The following GALNT5 variants were observed in gnomAD, a reference collection of about 807,000 sequenced individuals.
GALNT5 encodes UDP-GalNAc:polypeptide N-acetylgalactosaminyltransferase 5.
GALNT5 carries 72 observed loss-of-function variants against 85.4 expected under a neutral mutation model. The ratio of observed to expected loss-of-function variants is 0.84; its 90% CI spans 0.70 to 1.03. GALNT5 has a LOEUF of 1.03. GALNT5 is among the 50% of genes least tolerant of loss of function. The probability of loss-of-function intolerance (pLI) is 0.00; values close to 1 mark genes in which losing one functional copy is unlikely to be tolerated. For missense variants in GALNT5, 1,137 were observed against 1,135.5 expected (o/e 1.00, Z -0.02); for synonymous variants, 404 against 397.0 (o/e 1.02, Z -0.21).
chr2:157,304,943 T>G (rs1683422016), intron 7 of GALNT5, among the ~76,000 whole-genome samples: 1 of 152,146 alleles, frequency 6.6e-6, no homozygotes, highest in Non-Finnish European at 1.5e-5. Context: ...AACAAAGACT[T>G]CAGCTCCTCC....
In GALNT5 at chr2:157,316,776, C is replaced by T. The variant is rs1203439396; in HGVS notation, c.*5428C>T. On this transcript the variant is annotated 3_prime_UTR_variant, in exon 10 of 10. Coordinates refer to ENST00000259056, the MANE Select transcript of GALNT5 (RefSeq NM_014568.3). ...AAAGAAAGAAAAAAATAACATCACA[C>T]TAAACAGATTTAATGCCTCTGTTTT... Among the ~76,000 whole-genome samples the T allele has an allele frequency of 6.6e-6, 1 of 152,078 alleles. No individual in the cohort carries two copies. The highest frequency in any genetic ancestry group is 6.6e-5 in the Admixed American group (1 of 15,240).
rs1368515395 is a variant in GALNT5, at chr2:157,313,804, T to C, written c.*2456T>C. ...TTCTGACTTTACCCTGACAAACTTATTATATAAAGCTATATTTAAATCTAT... is the reference window on the plus strand; with the variant it reads ...TTCTGACTTTACCCTGACAAACTTACTATATAAAGCTATATTTAAATCTAT... On this transcript the variant is annotated 3_prime_UTR_variant, in exon 10 of 10. Coordinates refer to ENST00000259056, the MANE Select transcript of GALNT5 (RefSeq NM_014568.3). 6.6e-6 allele frequency: 1 copy of C among 152,178 alleles called. No homozygotes were observed. The highest frequency in any genetic ancestry group is 2.4e-5 in the African/African-American group (1 of 41,440). The allele number at this position is 152,178 out of a possible 1,614,324, so 9.4% of individuals were successfully genotyped here. A position where few individuals can be genotyped will look rare whatever the true frequency, so the allele number is the denominator to read the frequency against.
At chr2:157,272,096 A>C (rs2105126790) in intron 1 of GALNT5, among the ~76,000 whole-genome samples, 1 of 152,320 alleles carries the variant, frequency 6.6e-6, no homozygotes, top group Admixed American at 6.5e-5. Context: ...AATTGCATCA[A>C]CTGCCATTGT....
chr2:157,258,056 G>T lies in GALNT5; in HGVS notation c.-27G>T. 1 of 1,608,962 alleles carries T rather than the reference G, an allele frequency of 6.2e-7. No individual in the cohort carries two copies. The highest frequency in any genetic ancestry group is 8.5e-7 in the Non-Finnish European group (1 of 1,179,576). Reference sequence around the variant, plus strand: ...CTCAAGGTAAGCAGGCTAAGGGAGGGCAGGCTGCTAGGGAAAGCTTTGTAC... The same window carrying T: ...CTCAAGGTAAGCAGGCTAAGGGAGGTCAGGCTGCTAGGGAAAGCTTTGTAC... On this transcript the variant is annotated 5_prime_UTR_variant, in exon 1 of 10. Transcript: ENST00000259056.
intron 5 of GALNT5, among the ~76,000 whole-genome samples, chr2:157,298,642 A>C (rs1200604262): frequency 1.3e-5 from 2 of 152,046 alleles, no homozygotes; most frequent in Non-Finnish European, 2.9e-5. Flanking sequence ...GCTTTAACGA[A>C]TCCCTGCTTG....
chr2:157,307,301 C>G (rs1462816358), intron 8 of GALNT5, among the ~76,000 whole-genome samples: 1 of 152,112 alleles, frequency 6.6e-6, no homozygotes, highest in East Asian at 1.9e-4. Context: ...AGGCTTAATA[C>G]CAAGCCAGTG....
intron 3 of GALNT5, among the ~76,000 whole-genome samples, chr2:157,294,772 C>T (rs1313423009): frequency 1.6e-5 from 2 of 123,602 alleles, no homozygotes; most frequent in Admixed American, 9.1e-5. Context: ...CTCACACACA[C>T]ATCACATCAC....
chr2:157,278,638 T>C (rs1170538181), intron 1 of GALNT5, among the ~76,000 whole-genome samples: 1 of 152,310 alleles, frequency 6.6e-6, no homozygotes, highest in East Asian at 1.9e-4. Flanking sequence ...ATCACGAAGT[T>C]CTCTTGCCAT....
intron 1 of GALNT5, among the ~76,000 whole-genome samples, chr2:157,274,788 C>T (rs1053209063): frequency 2.6e-5 from 4 of 152,122 alleles, no homozygotes; most frequent in African/African-American, 9.7e-5. Flanking sequence ...GCTGCCTGTT[C>T]ACTCTGATGG....
At position 157,312,248 on chromosome 2, in the gene GALNT5, A is replaced by T. The variant is rs1683591165; in HGVS notation, c.*900A>T. 1 of 152,208 alleles carries T rather than the reference A, an allele frequency of 6.6e-6. No individual in the cohort carries two copies. Among genetic ancestry groups the T allele is most frequent in the Non-Finnish European group, 1.5e-5 (1 of 68,018 alleles). The allele number at this position is 152,208 out of a possible 1,614,324, so 9.4% of individuals were successfully genotyped here. ...GAGTAAAGCAGAAATAGAGCTGCTG[A>T]AAGTTTCTTTTATATAAAAATAATA... On this transcript the variant is annotated 3_prime_UTR_variant, in exon 10 of 10. Transcript: ENST00000259056.
At chr2:157,271,650 A>C (rs1323947839) in intron 1 of GALNT5, among the ~76,000 whole-genome samples, 1 of 152,224 alleles carries the variant, frequency 6.6e-6, no homozygotes, top group Non-Finnish European at 1.5e-5. Flanking sequence ...TTCTGCAGCA[A>C]GGTGGGTGGC....
In GALNT5 at chr2:157,311,356, CTG is replaced by C; in HGVS notation, c.*9_*10del. 1 of 1,577,152 alleles carries C rather than the reference CTG, an allele frequency of 6.3e-7. No individual in the cohort carries two copies. Among genetic ancestry groups the C allele is most frequent in the Non-Finnish European group, 8.7e-7 (1 of 1,155,988 alleles). On this transcript the variant is annotated 3_prime_UTR_variant, in exon 10 of 10. Transcript: ENST00000259056. ...AAATATTATGAAGCCTGAAGTGTAA[CTG>C]ATGTTTTTATATAGTAAACCCATTA... is the stretch of plus-strand genomic sequence containing the variant.
intron 7 of GALNT5, among the ~76,000 whole-genome samples, chr2:157,303,126 GAACA>G (rs1683375273): frequency 6.6e-6 from 1 of 152,052 alleles, no homozygotes; most frequent in Admixed American, 6.6e-5. Context: ...TTTGTAATAA[GAACA>G]AACATTTTCT....
chr2:157,264,174 T>TAC (rs59575957), intron 1 of GALNT5, among the ~76,000 whole-genome samples: 4,597 of 144,626 alleles, frequency 0.032, 90 homozygotes, highest in South Asian at 0.068. Context: ...TCAACACACA[T>TAC]ACACACACAC....
At chr2:157,298,260 C>A (rs1333804962) in intron 5 of GALNT5, among the ~76,000 whole-genome samples, 1 of 152,158 alleles carries the variant, frequency 6.6e-6, no homozygotes, top group Non-Finnish European at 1.5e-5. Context: ...AAGGAAAACA[C>A]CTGGGTCTAG....
chr2:157,315,007 G>A lies in GALNT5; in HGVS notation c.*3659G>A, dbSNP rs899962441. ...GCAGGAGAATTGCTTGTACCCGGGA[G>A]GTGGAGGTTGCAGTGAGCTGAAATT... On this transcript the variant is annotated 3_prime_UTR_variant, in exon 10 of 10. Coordinates refer to ENST00000259056, the MANE Select transcript of GALNT5 (RefSeq NM_014568.3). Among the ~76,000 whole-genome samples, 1 of 152,138 alleles carries A rather than the reference G, an allele frequency of 6.6e-6. No individual in the cohort carries two copies. Among genetic ancestry groups the A allele is most frequent in the Admixed American group, 6.5e-5 (1 of 15,268 alleles).
rs550416184 is a variant in GALNT5, at chr2:157,275,163, C to G, written c.1455-9119C>G. Among the ~76,000 whole-genome samples, 3 of 152,080 alleles carry G rather than the reference C, an allele frequency of 2.0e-5. No homozygotes were observed. The East Asian group carries it at 5.8e-4, about 29-fold the overall frequency. On this transcript the variant is annotated intron_variant, in intron 1 of 9. Transcript: ENST00000259056. ...TAGATGTGTGGTGTTATTTCTGAGG[C>G]CTCTGTTCTGTTCCATTCGTCCATA...
At chr2:157,272,411 T>C (rs762103658) in intron 1 of GALNT5, among the ~76,000 whole-genome samples, 2 of 152,230 alleles carry the variant, frequency 1.3e-5, no homozygotes, top group African/African-American at 4.8e-5. Context: ...AGGAAGTACA[T>C]GTACAGGTTT....
chr2:157,263,340 C>T (rs930899562), intron 1 of GALNT5, among the ~76,000 whole-genome samples: 1 of 152,152 alleles, frequency 6.6e-6, no homozygotes, highest in Non-Finnish European at 1.5e-5. Context: ...GGTTTTCATT[C>T]ACTGGTCCCT....
Sources: allele counts gnomAD v4.1 joint callset (sites outside exome capture counted in the v4.1 genomes callset), GRCh38; gene constraint gnomAD v4.1.1; transcripts MANE v1.5; gene names NCBI Gene and HGNC (gene_info 2026-07-23, HGNC 2026-07-21).